Variants in ANKRD10 observed in about 807,000 individuals in gnomAD.
ANKRD10 encodes ankyrin repeat domain 10.
ANKRD10 carries 14 observed loss-of-function variants against 27.0 expected under a neutral mutation model. The observed-to-expected ratio is 0.52, with a 90% confidence interval of 0.34 to 0.81. The LOEUF (loss-of-function observed/expected upper bound fraction) is 0.81, where lower values mean the gene tolerates loss of function less well. Ranked by LOEUF, ANKRD10 falls within the 40% of genes least tolerant of loss-of-function variation. The pLI is 0.01. For synonymous variants in ANKRD10, 250 were observed against 224.5 expected (o/e 1.11, Z -1.01); for missense variants, 493 against 544.0 (o/e 0.91, Z 0.93).
In ANKRD10 at chr13:110,879,633, G is replaced by C; in HGVS notation, c.*4C>G. ...CTGCGTTTCCGAGAGCCAGGTCAGCGTCTCTAGGAGCCGTGGTGCAGGTGC... is the reference window on the plus strand; with the variant it reads ...CTGCGTTTCCGAGAGCCAGGTCAGCCTCTCTAGGAGCCGTGGTGCAGGTGC... On this transcript the variant is annotated 3_prime_UTR_variant, in exon 6 of 6. Coordinates refer to ENST00000267339, the MANE Select transcript of ANKRD10 (RefSeq NM_017664.4). 2 of 1,604,334 alleles carry C rather than the reference G, an allele frequency of 1.2e-6. No individual in the cohort carries two copies. The highest frequency in any genetic ancestry group is 1.7e-6 in the Non-Finnish European group (2 of 1,173,262).
rs1479098472 is a variant in ANKRD10, at chr13:110,914,870, A to T, written c.65T>A (p.Leu22His). 2 of 1,549,898 alleles carry T rather than the reference A, an allele frequency of 1.3e-6. No individual in the cohort carries two copies. The highest frequency in any genetic ancestry group is 8.7e-7 in the Non-Finnish European group (1 of 1,150,088). ...AGFSSEELLS[L>H]RFPLHRACRD... is the part of the protein sequence containing the mutation. ...GCAGGCGCGGTGCAGCGGGAAACGG[A>T]GCGAGAGCAGCTCCTCGCTGGAGAA... The change falls in exon 1 of 6, where the codon CTC becomes CAC. Residue 22 changes from leucine to histidine, a missense_variant. Transcript: ENST00000267339.
intron 4 of ANKRD10, among the ~76,000 whole-genome samples, chr13:110,884,802 C>T (rs117343725): frequency 0.011 from 1,658 of 152,300 alleles, 20 homozygotes; most frequent in Middle Eastern, 0.017. Context: ...ATATACACCA[C>T]AAATAGCAAC....
intron 4 of ANKRD10, among the ~76,000 whole-genome samples, chr13:110,885,023 G>A (rs2064890404): frequency 6.6e-6 from 1 of 151,720 alleles, no homozygotes; most frequent in African/African-American, 2.4e-5. Context: ...AGAACAGTGT[G>A]ATTTGTGTAG....
chr13:110,878,601 A>T lies in ANKRD10; in HGVS notation c.*1036T>A, dbSNP rs1272792156. 1.3e-5 allele frequency: 2 copies of T among 152,372 alleles called. No homozygotes were observed. Among genetic ancestry groups the T allele is most frequent in the Non-Finnish European group, 2.9e-5 (2 of 68,030 alleles). The allele number at this position is 152,372 out of a possible 1,614,324, so 9.4% of individuals were successfully genotyped here. A position where few individuals can be genotyped will look rare whatever the true frequency, so the allele number is the denominator to read the frequency against. On this transcript the variant is annotated 3_prime_UTR_variant, in exon 6 of 6. Coordinates refer to ENST00000267339, the MANE Select transcript of ANKRD10 (RefSeq NM_017664.4). ...AGTTTTAGAACAAAATGTTAGTAAC[A>T]CTCTTAGAACACTGGTTTGTTCATT...
At position 110,879,542 on chromosome 13, in the gene ANKRD10, C is replaced by T; in HGVS notation, c.*95G>A. ...AAAGTTGAAGTATATAAAAAACGTA[C>T]AAGTTGTGACATTCGTTCAAGTTGC... On this transcript the variant is annotated 3_prime_UTR_variant, in exon 6 of 6. Coordinates refer to ENST00000267339, the MANE Select transcript of ANKRD10 (RefSeq NM_017664.4). 1 of 945,938 alleles carries T rather than the reference C, an allele frequency of 1.1e-6. No individual in the cohort carries two copies. The highest frequency in any genetic ancestry group is 1.6e-5 in the South Asian group (1 of 61,722). The allele number at this position is 945,938 out of a possible 1,614,324, so 58.6% of individuals were successfully genotyped here.
intron 3 of ANKRD10, among the ~76,000 whole-genome samples, chr13:110,899,993 C>T (rs2065340632): frequency 6.6e-6 from 1 of 152,186 alleles, no homozygotes; most frequent in African/African-American, 2.4e-5. Context: ...AGGAGGATCA[C>T]TTGAGGCCAG....
Position 110,906,040 on chromosome 13 carries a change from G to C in ANKRD10, c.448C>G (p.His150Asp). Residue 150 changes from histidine (H) to aspartate (D), a missense_variant, in exon 3 of 6, where the codon CAC becomes GAC. Coordinates refer to ENST00000267339, the MANE Select transcript of ANKRD10 (RefSeq NM_017664.4). Reference sequence around the variant, plus strand: ...TAAACGAAAGACACTTACTCGACGTGAGCCCCATTCGCCACAAGGGCACTG... The same window carrying C: ...TAAACGAAAGACACTTACTCGACGTCAGCCCCATTCGCCACAAGGGCACTG... ...CISALVANGA[H>D]VDLRNASGLT... 1 of 1,596,594 alleles carries C rather than the reference G, an allele frequency of 6.3e-7. No homozygotes were observed. The highest frequency in any genetic ancestry group is 1.1e-5 in the South Asian group (1 of 88,200).
chr13:110,914,703 G>A (rs1298096785), intron 1 of ANKRD10, 22 bp downstream of exon 1: 4 of 1,550,932 alleles, frequency 2.6e-6, no homozygotes, highest in Non-Finnish European at 3.5e-6. Flanking sequence ...GGAAAATGGC[G>A]CCTTAAAGCG....
chr13:110,885,988 A>G (rs1264678501), intron 4 of ANKRD10, among the ~76,000 whole-genome samples: 1 of 152,252 alleles, frequency 6.6e-6, no homozygotes, highest in Non-Finnish European at 1.5e-5. Flanking sequence ...TACTCACATC[A>G]GCAGATGAAG....
At position 110,893,199 on chromosome 13, in the gene ANKRD10, C is replaced by T. The variant is rs2065130256; in HGVS notation, c.520G>A (p.Ala174Thr). 1.2e-6 allele frequency: 2 copies of T among 1,614,004 alleles called. No homozygotes were observed. The highest frequency in any genetic ancestry group is 2.2e-5 in the East Asian group (1 of 44,894). The part of the protein sequence containing the change: ...IAQTQGFQEC[A>T]QFLLNLQNCH... ...TTCTGGAGGTTCAAGAGAAACTGGGCACACTCTTGGAAACCCTGGGTTTGT... is the reference window on the plus strand; with the variant it reads ...TTCTGGAGGTTCAAGAGAAACTGGGTACACTCTTGGAAACCCTGGGTTTGT... The change falls in exon 4 of 6, where the codon GCC (alanine) becomes ACC (threonine). Residue 174 changes from alanine to threonine, a missense_variant. Coordinates refer to ENST00000267339, the MANE Select transcript of ANKRD10 (RefSeq NM_017664.4).
chr13:110,893,124 G>C lies in ANKRD10; in HGVS notation c.595C>G (p.Gln199Glu). Residue 199 changes from glutamine to glutamate, a missense_variant, in exon 4 of 6, where the codon CAG becomes GAG. Physicochemically the swap from Gln to Glu is conservative, Grantham distance 29. Coordinates refer to ENST00000267339, the MANE Select transcript of ANKRD10 (RefSeq NM_017664.4). ...YNNGILNGGH[Q>E]NVFPNHISVG... ...CTAATATGATTAGGAAATACATTCTGATGACCCCCATTTAAGATGCCATTG... is the reference window on the plus strand; with the variant it reads ...CTAATATGATTAGGAAATACATTCTCATGACCCCCATTTAAGATGCCATTG... 6.2e-7 allele frequency: 1 copy of C among 1,614,188 alleles called. No homozygotes were observed. The highest frequency in any genetic ancestry group is 1.1e-5 in the South Asian group (1 of 91,084).
intron 3 of ANKRD10, chr13:110,900,831 C>T (rs2065361670): frequency 2.1e-6 from 1 of 479,172 alleles, no homozygotes; most frequent in Non-Finnish European, 3.6e-6. Context: ...ATTAAAAATA[C>T]ATAGACAACA....
intron 3 of ANKRD10, among the ~76,000 whole-genome samples, chr13:110,898,759 T>C (rs1408574161): frequency 5.3e-4 from 77 of 145,022 alleles, no homozygotes; most frequent in African/African-American, 1.8e-3. Flanking sequence ...TCTTTTTTTT[T>C]TTTTTTTTTT....
At chr13:110,891,725 AT>A (rs1481579091) in intron 4 of ANKRD10, among the ~76,000 whole-genome samples, 4 of 152,064 alleles carry the variant, frequency 2.6e-5, no homozygotes, top group African/African-American at 9.7e-5. Context: ...TGCACGGTTG[AT>A]TTTTTTAAAC....
intron 3 of ANKRD10, among the ~76,000 whole-genome samples, chr13:110,905,502 A>G (rs34123604): frequency 6.6e-6 from 1 of 152,064 alleles, no homozygotes; most frequent in East Asian, 1.9e-4. Context: ...GTAAATAGTC[A>G]TATTTTACAA....
intron 1 of ANKRD10, among the ~76,000 whole-genome samples, chr13:110,913,508 C>T (rs1030149818): frequency 6.6e-6 from 1 of 152,210 alleles, no homozygotes; most frequent in Non-Finnish European, 1.5e-5. Flanking sequence ...TTGTCCCACC[C>T]CGATCGTCAA....
intron 4 of ANKRD10, among the ~76,000 whole-genome samples, chr13:110,888,156 G>A (rs1347670683): frequency 6.6e-6 from 1 of 151,626 alleles, no homozygotes; most frequent in Non-Finnish European, 1.5e-5. Context: ...AGGGAACTGA[G>A]TGCTCTGGAA....
chr13:110,914,238 G>A (rs1460082855), intron 1 of ANKRD10, among the ~76,000 whole-genome samples: 1 of 152,270 alleles, frequency 6.6e-6, no homozygotes, highest in South Asian at 2.1e-4. Flanking sequence ...CCAGAAGGTC[G>A]ACCGCGCCCG....
chr13:110,911,910 T>C (rs1006538048), intron 1 of ANKRD10: 14 of 152,250 alleles, frequency 9.2e-5, no homozygotes, highest in African/African-American at 3.1e-4. Context: ...TGAATACTCA[T>C]TGAATAATCA....
Sources: gnomAD v4.1 joint callset for allele counts (sites outside exome capture counted in the v4.1 genomes callset) on GRCh38, gnomAD v4.1.1 for gene constraint, MANE v1.5 for transcripts, NCBI Gene and HGNC (gene_info 2026-07-23, HGNC 2026-07-21) for gene names.